Variants in SHOX observed in about 807,000 individuals in gnomAD.
The protein encoded by SHOX is short stature homeobox protein.
SHOX carries 12 observed loss-of-function variants against 29.6 expected under a neutral mutation model. The observed-to-expected ratio is 0.41, with a 90% CI of 0.26 to 0.66. SHOX has a LOEUF of 0.66. SHOX is among the 30% of genes least tolerant of loss of function. The pLI is 0.35. For missense variants in SHOX, 499 were observed against 437.7 expected (o/e 1.14, Z -1.25); for synonymous variants, 214 against 200.6 (o/e 1.07, Z -0.57).
chrX:645,313 G>T lies in SHOX; in HGVS notation c.*677G>T, dbSNP rs1451042015. On this transcript the variant is annotated 3_prime_UTR_variant, in exon 5 of 5. Transcript: ENST00000686671. ...CACGTTGGGACTCCCACGTTCCGGG[G>T]ACCTGAATGAGGACCGACTTTATAA... 1 of 151,570 alleles carries T rather than the reference G, an allele frequency of 6.6e-6. No homozygotes were observed. Among genetic ancestry groups the T allele is most frequent in the African/African-American group, 2.4e-5 (1 of 41,230 alleles). The allele number at this position is 151,570 out of a possible 1,614,324, so 9.4% of individuals were successfully genotyped here. A position where few individuals can be genotyped will look rare whatever the true frequency, so the allele number is the denominator to read the frequency against.
In SHOX at chrX:644,701, T is replaced by A. The variant is rs914344653; in HGVS notation, c.*65T>A. 1.1e-5 allele frequency: 15 copies of A among 1,361,298 alleles called. No individual in the cohort carries two copies. The South Asian group carries it at 1.8e-4, about 16-fold the overall frequency. 84.3% of individuals were successfully genotyped at this position (1,361,298 alleles called of 1,614,324 possible). A position where few individuals can be genotyped will look rare whatever the true frequency, so the allele number is the denominator to read the frequency against. ...CCGCGCACCCCGCCTGCACCGCGCGTCCTGCACTCAACCCCGCCTGGAGCT... is the reference window on the plus strand; with the variant it reads ...CCGCGCACCCCGCCTGCACCGCGCGACCTGCACTCAACCCCGCCTGGAGCT... On this transcript the variant is annotated 3_prime_UTR_variant, in exon 5 of 5. Coordinates refer to ENST00000686671, the MANE Select transcript of SHOX (RefSeq NM_000451.4).
chrX:648,897 T>TTCCC lies in SHOX; in HGVS notation c.*4264_*4265insCTCC, dbSNP rs2053004354. Among the ~76,000 whole-genome samples, 1 of 130,146 alleles carries TTCCC rather than the reference T, an allele frequency of 7.7e-6. No individual in the cohort carries two copies. Among genetic ancestry groups the TTCCC allele is most frequent in the African/African-American group, 2.7e-5 (1 of 37,224 alleles). 85.4% of individuals were successfully genotyped at this position (130,146 alleles called of 152,430 possible). A position where few individuals can be genotyped will look rare whatever the true frequency, so the allele number is the denominator to read the frequency against. On this transcript the variant is annotated 3_prime_UTR_variant, in exon 5 of 5. Coordinates refer to ENST00000686671, the MANE Select transcript of SHOX (RefSeq NM_000451.4). ...CCTCTTCTCTCTCCCTTCTCCTTCC[T>TTCCC]TCCTTCCTTCCTTTCTTTCTTTTTC... is the stretch of plus-strand genomic sequence containing the variant.
At chrX:642,710 T>C (rs2052876941) in intron 4 of SHOX, among the ~76,000 whole-genome samples, 1 of 152,172 alleles carries the variant, frequency 6.6e-6, no homozygotes, top group Non-Finnish European at 1.5e-5. Flanking sequence ...GGGGACCTGG[T>C]GTCCCCGGGA....
chrX:646,963 C>T lies in SHOX; in HGVS notation c.*2327C>T, dbSNP rs2052977129. On this transcript the variant is annotated 3_prime_UTR_variant, in exon 5 of 5. Transcript: ENST00000686671. The stretch of plus-strand genomic sequence containing the variant: ...CAGCCCTAGATTTTTTTTTTTTAAC[C>T]AAAAAGGCTGAGTAATTTTGAAAAA... 1 of 147,352 alleles carries T rather than the reference C, an allele frequency of 6.8e-6. No homozygotes were observed. 9.1% of individuals were successfully genotyped at this position (147,352 alleles called of 1,614,324 possible). A position where few individuals can be genotyped will look rare whatever the true frequency, so the allele number is the denominator to read the frequency against.
intron 1 of SHOX, 155 bp downstream of exon 1, chrX:631,329 A>T (rs2052644676): frequency 2.1e-6 from 1 of 485,542 alleles, no homozygotes; most frequent in Non-Finnish European, 2.7e-6. Context: ...CTAAGAAAGG[A>T]AGGAAGGCAG....
In SHOX at chrX:634,843, G is replaced by T. The variant is rs373297069; in HGVS notation, c.486+17G>T. On this transcript the variant is annotated intron_variant, in intron 2 of 4. Coordinates refer to ENST00000686671, the MANE Select transcript of SHOX (RefSeq NM_000451.4). ...CGCGTGCAGGTAGGAACCCGGGGGC[G>T]GGGGCGGGGGGCCCGGAGCCATCGC... 2.6e-6 allele frequency: 4 copies of T among 1,549,288 alleles called. No individual in the cohort carries two copies. The highest frequency in any genetic ancestry group is 2.7e-5 in the African/African-American group (2 of 73,068).
At chrX:628,301 A>C (rs1287253961), upstream of SHOX, among the ~76,000 whole-genome samples, 326 of 84,204 alleles carry the variant, frequency 3.9e-3, no homozygotes, top group Middle Eastern at 0.029. Context: ...CTCTGTCTCC[A>C]TCTCTTTCTC....
chrX:634,863 C>T lies in SHOX; in HGVS notation c.486+37C>T, dbSNP rs1365173834. On this transcript the variant is annotated intron_variant, in intron 2 of 4. Transcript: ENST00000686671. ...GGGGCGGGGGCGGGGGGCCCGGAGCCATCGCCTGGTCCTCGGGAGCGCACA... is the reference window on the plus strand; with the variant it reads ...GGGGCGGGGGCGGGGGGCCCGGAGCTATCGCCTGGTCCTCGGGAGCGCACA... 9 of 1,541,830 alleles carry T rather than the reference C, an allele frequency of 5.8e-6. No individual in the cohort carries two copies. In the South Asian group the frequency reaches 9.5e-5, roughly 16 times the overall value.
rs1381371551 is a variant in SHOX at position 650,437 on chromosome X, C to G, written c.*5801C>G. 6.6e-6 allele frequency among the ~76,000 whole-genome samples: 1 copy of G among 152,110 alleles called. No homozygotes were observed. The highest frequency in any genetic ancestry group is 1.5e-5 in the Non-Finnish European group (1 of 68,024). ...CCTTGGCCACGTCAGCACGTGGGAGCATCTGTGGATACCGCAGAGTCTGGG... is the reference window on the plus strand; with the variant it reads ...CCTTGGCCACGTCAGCACGTGGGAGGATCTGTGGATACCGCAGAGTCTGGG... On this transcript the variant is annotated 3_prime_UTR_variant, in exon 5 of 5. Coordinates refer to ENST00000686671, the MANE Select transcript of SHOX (RefSeq NM_000451.4).
In SHOX at chrX:648,473, C is replaced by T. The variant is rs895013298; in HGVS notation, c.*3837C>T. Among the ~76,000 whole-genome samples the T allele has an allele frequency of 6.6e-6, 1 of 152,136 alleles. No homozygotes were observed. Among genetic ancestry groups the T allele is most frequent in the African/African-American group, 2.4e-5 (1 of 41,418 alleles). On this transcript the variant is annotated 3_prime_UTR_variant, in exon 5 of 5. Transcript: ENST00000686671. ...AACTCCTGACCTCAGGTTGACCTGC[C>T]CGCTTTGTCCCTCGCAAAGTGCTGG...
intron 5 of SHOX, among the ~76,000 whole-genome samples, chrX:658,070 G>T (rs2053171733): frequency 6.6e-6 from 1 of 151,902 alleles, no homozygotes; most frequent in Non-Finnish European, 1.5e-5. Context: ...AGCCTCCCAG[G>T]TACAAGCGAT....
At chrX:628,141 CTG>C (rs1393361360), upstream of SHOX, among the ~76,000 whole-genome samples, 13 of 36,498 alleles carry the variant, frequency 3.6e-4, no homozygotes, top group Admixed American at 3.0e-4. Context: ...GTATCTCTAT[CTG>C]TGTCTCTCTT....
intron 5 of SHOX, among the ~76,000 whole-genome samples, chrX:658,217 C>T (rs748099673): frequency 3.3e-5 from 5 of 152,042 alleles, no homozygotes; most frequent in Admixed American, 1.3e-4. Context: ...TCAGGTGATC[C>T]GCCTGCCTCG....
rs1341870579 is a variant in SHOX at position 649,838 on chromosome X, G to A, written c.*5202G>A. 12 of 450,638 alleles carry A rather than the reference G, an allele frequency of 2.7e-5. No individual in the cohort carries two copies. Among genetic ancestry groups the A allele is most frequent in the Middle Eastern group, 3.3e-4 (1 of 3,074 alleles). The allele number at this position is 450,638 out of a possible 1,614,324, so 27.9% of individuals were successfully genotyped here. A position where few individuals can be genotyped will look rare whatever the true frequency, so the allele number is the denominator to read the frequency against. ...AGTCCGTGGAGGGTTGTCAGTCGCCGCAGTTGAGCAAAAAACACTTCTTCC... is the reference window on the plus strand; with the variant it reads ...AGTCCGTGGAGGGTTGTCAGTCGCCACAGTTGAGCAAAAAACACTTCTTCC... On this transcript the variant is annotated 3_prime_UTR_variant, in exon 5 of 5. Transcript: ENST00000686671.
chrX:640,515 G>A (rs768651531), intron 2 of SHOX, among the ~76,000 whole-genome samples: 2 of 152,268 alleles, frequency 1.3e-5, no homozygotes, highest in African/African-American at 4.8e-5. Context: ...GGTGGAGCTT[G>A]CAGTGAGCCG....
intron 4 of SHOX, among the ~76,000 whole-genome samples, chrX:643,474 TC>T (rs2052900967): frequency 8.3e-6 from 1 of 120,060 alleles, no homozygotes; most frequent in Non-Finnish European, 1.7e-5. Flanking sequence ...GGACCTGGTG[TC>T]CTGGGGAGAG....
intron 4 of SHOX, among the ~76,000 whole-genome samples, chrX:643,850 C>T (rs1301357293): frequency 8.5e-6 from 1 of 118,300 alleles, no homozygotes; most frequent in Non-Finnish European, 1.7e-5. Flanking sequence ...GAGGCTTGGA[C>T]ACCTGGTGTC....
Position 649,120 on chromosome X carries a change from C to A in SHOX, c.*4484C>A, listed in dbSNP as rs915169337. 6.6e-6 allele frequency among the ~76,000 whole-genome samples: 1 copy of A among 151,952 alleles called. No homozygotes were observed. The highest frequency in any genetic ancestry group is 2.4e-5 in the African/African-American group (1 of 41,328). Reference sequence around the variant, plus strand: ...TGGTGCAATCCCAGCTCACTGCATCCTCTACCTCCTGGCTTCAAGAAATTC... The same window carrying A: ...TGGTGCAATCCCAGCTCACTGCATCATCTACCTCCTGGCTTCAAGAAATTC... On this transcript the variant is annotated 3_prime_UTR_variant, in exon 5 of 5. Coordinates refer to ENST00000686671, the MANE Select transcript of SHOX (RefSeq NM_000451.4).
chrX:625,788 TTCTC>T (rs2052519485), upstream of SHOX, among the ~76,000 whole-genome samples: 1 of 143,608 alleles, frequency 7.0e-6, no homozygotes, highest in Non-Finnish European at 1.5e-5. Context: ...CTGTCTCTCT[TTCTC>T]TCCTCTCTCT....
Sources: allele counts gnomAD v4.1 joint callset (sites outside exome capture counted in the v4.1 genomes callset), GRCh38; gene constraint gnomAD v4.1.1; transcripts MANE v1.5; gene names NCBI Gene and HGNC (gene_info 2026-07-23, HGNC 2026-07-21).